CAST: variants seen among roughly 807,000 people sequenced by gnomAD.
CAST encodes the protein calpastatin.
In CAST, 76 loss-of-function variants were observed where a neutral mutation model predicts 119.6. The observed-to-expected ratio is 0.64, with a 90% CI of 0.53 to 0.77. CAST has a LOEUF of 0.77. Ranked by LOEUF, CAST falls within the 30% of genes least tolerant of loss-of-function variation. The pLI, the probability that CAST is intolerant of heterozygous loss-of-function variation, is 0.00. For missense variants in CAST, 953 were observed against 946.5 expected, an observed-to-expected ratio of 1.01 and a Z score of -0.09; for synonymous variants, 319 against 331.6, an observed-to-expected ratio of 0.96 and a Z score of 0.41.
intron 1 of CAST, among the ~76,000 whole-genome samples, chr5:96,656,831 C>T (rs1482097160): frequency 6.6e-6 from 1 of 152,118 alleles, no homozygotes; most frequent in African/African-American, 2.4e-5. Flanking sequence ...ATGCTCTTAA[C>T]TCTTCTTTCT....
intron 3 of CAST, among the ~76,000 whole-genome samples, chr5:96,707,734 T>G (rs1431070184): frequency 6.6e-6 from 1 of 152,192 alleles, no homozygotes; most frequent in African/African-American, 2.4e-5. Context: ...TCACTCAAAG[T>G]TGCCGTAACA....
the CAST span, among the ~76,000 whole-genome samples, chr5:96,233,903 TTTCTAATGACGTTG>T: frequency 6.6e-6 from 1 of 152,162 alleles, no homozygotes; most frequent in Admixed American, 6.5e-5. Context: ...TCTTAATTTT[TTTCTAATGACGTTG>T]TAGATAAGAT....
chr5:96,616,364 T>C (rs942375623), intron 1 of CAST, among the ~76,000 whole-genome samples: 5 of 152,162 alleles, frequency 3.3e-5, no homozygotes, highest in Non-Finnish European at 7.4e-5. Context: ...TTCTCCAGCC[T>C]GTGAGGTCCT....
the CAST span, among the ~76,000 whole-genome samples, chr5:96,170,242 G>A: frequency 6.6e-6 from 1 of 152,190 alleles, no homozygotes; most frequent in Non-Finnish European, 1.5e-5. Context: ...TGCCAGGTGA[G>A]TTGAACAGTG....
chr5:96,071,051 C>G, the CAST span, among the ~76,000 whole-genome samples: 3 of 152,102 alleles, frequency 2.0e-5, no homozygotes, highest in African/African-American at 7.2e-5. Flanking sequence ...ATTCCCCAGG[C>G]AGGAGGTCAT....
the CAST span, among the ~76,000 whole-genome samples, chr5:96,263,009 C>G: frequency 1.3e-5 from 2 of 152,302 alleles, no homozygotes; most frequent in Non-Finnish European, 2.9e-5. Context: ...TCCTTCCCCA[C>G]GTCTAGTGAA....
the CAST span, among the ~76,000 whole-genome samples, chr5:95,981,641 C>T: frequency 2.0e-5 from 3 of 152,184 alleles, no homozygotes; most frequent in East Asian, 3.9e-4. Flanking sequence ...TTTGGCAGGC[C>T]GAGGCGGGCG....
intron 1 of CAST, among the ~76,000 whole-genome samples, chr5:96,632,761 G>A (rs1747838596): frequency 6.6e-6 from 1 of 152,082 alleles, no homozygotes; most frequent in South Asian, 2.1e-4. Flanking sequence ...TGGTTTATGT[G>A]TGGACTCGCA....
At chr5:96,288,254 T>C in the CAST span, among the ~76,000 whole-genome samples, 34 of 152,296 alleles carry the variant, frequency 2.2e-4, 1 homozygote, top group African/African-American at 8.2e-4. Context: ...GGGACTGTTT[T>C]TTCCTCCTCA....
chr5:96,550,594 A>G (rs1377991461), intron 1 of CAST, among the ~76,000 whole-genome samples: 2 of 152,158 alleles, frequency 1.3e-5, no homozygotes, highest in African/African-American at 4.8e-5. Context: ...AGGCTTCAGA[A>G]GGTTGGTAAT....
the CAST span, among the ~76,000 whole-genome samples, chr5:96,152,780 A>ATGT: frequency 4.6e-5 from 7 of 151,668 alleles, no homozygotes; most frequent in Non-Finnish European, 1.0e-4. Flanking sequence ...TTAAAAGATA[A>ATGT]TGTAAATAGA....
At chr5:96,231,038 A>G in the CAST span, among the ~76,000 whole-genome samples, 1 of 152,140 alleles carries the variant, frequency 6.6e-6, no homozygotes, top group Non-Finnish European at 1.5e-5. Context: ...CGGTGGGAAA[A>G]AGTATGGTAC....
At chr5:96,463,475 G>T in the CAST span, among the ~76,000 whole-genome samples, 3 of 151,952 alleles carry the variant, frequency 2.0e-5, no homozygotes, top group African/African-American at 4.8e-5. Flanking sequence ...GGTCCTTCCT[G>T]GTTTTCCAAC....
intron 1 of CAST, among the ~76,000 whole-genome samples, chr5:96,537,385 T>G (rs1360654549): frequency 6.6e-6 from 1 of 152,222 alleles, no homozygotes; most frequent in Non-Finnish European, 1.5e-5. Context: ...CTGCCCCCAT[T>G]TAAGCTTTCC....
chr5:96,276,598 A>C, the CAST span, among the ~76,000 whole-genome samples: 1 of 152,206 alleles, frequency 6.6e-6, no homozygotes, highest in East Asian at 1.9e-4. Flanking sequence ...GGTCAGCCAA[A>C]CATATTCCTG....
intron 2 of CAST, 105 bp downstream of exon 2, chr5:96,675,706 A>C: frequency 1.3e-6 from 1 of 769,716 alleles, no homozygotes; most frequent in Non-Finnish European, 2.1e-6. Context: ...ACCTTGCTTA[A>C]TATTGGGAAA....
At chr5:96,045,344 A>T in the CAST span, among the ~76,000 whole-genome samples, 79 of 150,964 alleles carry the variant, frequency 5.2e-4, 1 homozygote, top group South Asian at 8.6e-3. Flanking sequence ...CAAGAGTGAA[A>T]CTCTGTCTCA....
intron 1 of CAST, among the ~76,000 whole-genome samples, chr5:96,617,472 C>T (rs1417191626): frequency 6.6e-6 from 1 of 152,080 alleles, no homozygotes; most frequent in Non-Finnish European, 1.5e-5. Flanking sequence ...AATCTTTATG[C>T]AGGCATCAAT....
At chr5:96,335,783 T>C in the CAST span, among the ~76,000 whole-genome samples, 1 of 152,226 alleles carries the variant, frequency 6.6e-6, no homozygotes, top group Non-Finnish European at 1.5e-5. Context: ...CTATTTGTTC[T>C]GTTACCTTCT....
Sources: gnomAD v4.1 joint callset for allele counts (sites outside exome capture counted in the v4.1 genomes callset) on GRCh38, gnomAD v4.1.1 for gene constraint, MANE v1.5 for transcripts, NCBI Gene and HGNC (gene_info 2026-07-23, HGNC 2026-07-21) for gene names.